Variants in ABL1 observed in about 807,000 individuals in gnomAD.
The protein encoded by ABL1 is ABL proto-oncogene 1, non-receptor tyrosine kinase.
A neutral mutation model predicts 94.7 loss-of-function variants in ABL1; 11 were observed. The ratio of observed to expected loss-of-function variants is 0.12; its 90% CI spans 0.07 to 0.19. ABL1 has a LOEUF of 0.19. Among genes scored for constraint, ABL1 ranks in the 10% least tolerant of loss-of-function variants. The pLI is 1.00. For synonymous variants in ABL1, 656 were observed against 622.4 expected, an observed-to-expected ratio of 1.05 and a Z score of -0.80; for missense variants, 1,082 against 1,489.4, an observed-to-expected ratio of 0.73 and a Z score of 4.50.
At chr9:130,859,689 T>C (rs1376108404) in intron 3 of ABL1, among the ~76,000 whole-genome samples, 9 of 116,680 alleles carry the variant, frequency 7.7e-5, no homozygotes, top group Non-Finnish European at 1.0e-4. Context: ...TTTTTTTTTT[T>C]TTTTTTTTTT....
At position 130,885,794 on chromosome 9, in the gene ABL1, C is replaced by A. The variant is rs1256786566; in HGVS notation, c.*111C>A. 2 of 1,392,304 alleles carry A rather than the reference C, an allele frequency of 1.4e-6. No individual in the cohort carries two copies. Among genetic ancestry groups the A allele is most frequent in the Non-Finnish European group, 1.9e-6 (2 of 1,046,364 alleles). The allele number at this position is 1,392,304 out of a possible 1,614,324, so 86.2% of individuals were successfully genotyped here. A position where few individuals can be genotyped will look rare whatever the true frequency, so the allele number is the denominator to read the frequency against. ...GGGACTAGTGAGTCAGCACCTTGGC[C>A]CAGGAGCTCTGCGCCAGGCAGAGCT... is the stretch of plus-strand genomic sequence containing the variant. On this transcript the variant is annotated 3_prime_UTR_variant, in exon 11 of 11. Transcript: ENST00000318560.
chr9:130,856,198 C>T (rs1205985792), intron 3 of ABL1, among the ~76,000 whole-genome samples: 1 of 152,220 alleles, frequency 6.6e-6, no homozygotes, highest in Non-Finnish European at 1.5e-5. Flanking sequence ...AAGCATTTCT[C>T]CTGCCTCAGC....
At chr9:130,749,254 G>A (rs1366695619) in intron 1 of ABL1, among the ~76,000 whole-genome samples, 1 of 152,166 alleles carries the variant, frequency 6.6e-6, no homozygotes, top group Non-Finnish European at 1.5e-5. Flanking sequence ...ACCAGTATTT[G>A]AGAATTAAAA....
At chr9:130,730,308 C>G (rs903195677) in intron 1 of ABL1, among the ~76,000 whole-genome samples, 5 of 152,100 alleles carry the variant, frequency 3.3e-5, no homozygotes, top group Non-Finnish European at 5.9e-5. Context: ...TCCCAAAGTG[C>G]TGGGATTACA....
At chr9:130,804,060 GAAAA>G (rs113128798) in intron 1 of ABL1, among the ~76,000 whole-genome samples, 1 of 134,904 alleles carries the variant, frequency 7.4e-6, no homozygotes, top group Non-Finnish European at 1.6e-5. Flanking sequence ...GACCTCTTAA[GAAAA>G]AAAAAAAAAT....
intron 1 of ABL1, among the ~76,000 whole-genome samples, chr9:130,719,148 A>G (rs1163168889): frequency 6.6e-6 from 1 of 152,194 alleles, no homozygotes; most frequent in Non-Finnish European, 1.5e-5. Context: ...GGAATCGGAG[A>G]AAACTTTCTC....
intron 1 of ABL1, among the ~76,000 whole-genome samples, chr9:130,735,682 T>A (rs1016961273): frequency 6.6e-6 from 1 of 151,682 alleles, no homozygotes; most frequent in African/African-American, 2.4e-5. Context: ...CTTGGAAGTA[T>A]CATTGGTTTT....
intron 1 of ABL1, among the ~76,000 whole-genome samples, chr9:130,789,533 C>A (rs992321669): frequency 1.3e-5 from 2 of 151,860 alleles, no homozygotes; most frequent in Non-Finnish European, 2.9e-5. Context: ...CATACACACA[C>A]ACACACACAC....
intron 1 of ABL1, among the ~76,000 whole-genome samples, chr9:130,792,479 A>T (rs1017525765): frequency 1.3e-5 from 2 of 151,774 alleles, no homozygotes; most frequent in African/African-American, 4.8e-5. Flanking sequence ...TAGTGGTCCT[A>T]TGAGTCCTTC....
intron 4 of ABL1, among the ~76,000 whole-genome samples, chr9:130,867,937 GTT>G (rs34124714): frequency 1.4e-5 from 2 of 141,290 alleles, no homozygotes; most frequent in Non-Finnish European, 1.6e-5. Flanking sequence ...CCCTCCAGTG[GTT>G]TTTTTTTTTT....
intron 1 of ABL1, among the ~76,000 whole-genome samples, chr9:130,764,317 G>A (rs755614352): frequency 1.3e-5 from 2 of 152,186 alleles, no homozygotes; most frequent in African/African-American, 4.8e-5. Context: ...TGTGTAGGAG[G>A]CATCTGTCCA....
intron 1 of ABL1, among the ~76,000 whole-genome samples, chr9:130,766,994 C>T (rs752867582): frequency 4.6e-5 from 7 of 152,220 alleles, no homozygotes; most frequent in Non-Finnish European, 1.0e-4. Flanking sequence ...TCGAATTTCC[C>T]TCCTGTCACT....
At chr9:130,808,959 C>T (rs1375451535) in intron 1 of ABL1, among the ~76,000 whole-genome samples, 1 of 152,160 alleles carries the variant, frequency 6.6e-6, no homozygotes, top group Non-Finnish European at 1.5e-5. Context: ...AAATAGAGCC[C>T]TATGATTGCT....
At chr9:130,845,528 G>T (rs1428617397) in intron 1 of ABL1, among the ~76,000 whole-genome samples, 1 of 151,914 alleles carries the variant, frequency 6.6e-6, no homozygotes, top group East Asian at 1.9e-4. Context: ...TTTTAGTAGA[G>T]ACGTGGTTTA....
intron 1 of ABL1, among the ~76,000 whole-genome samples, chr9:130,809,607 T>G (rs1014087012): frequency 2.0e-5 from 3 of 152,174 alleles, no homozygotes; most frequent in Non-Finnish European, 2.9e-5. Flanking sequence ...GAGCCAATGT[T>G]TCAGTTCAAG....
intron 1 of ABL1, among the ~76,000 whole-genome samples, chr9:130,760,314 A>G (rs1401636693): frequency 6.6e-6 from 1 of 152,126 alleles, no homozygotes; most frequent in Non-Finnish European, 1.5e-5. Context: ...AAGAGCTGGG[A>G]CACTGTTGGC....
At chr9:130,830,317 A>G (rs1031323111), upstream of ABL1, among the ~76,000 whole-genome samples, 1 of 152,192 alleles carries the variant, frequency 6.6e-6, no homozygotes, top group Non-Finnish European at 1.5e-5. Flanking sequence ...TACCAACAGA[A>G]AAATCAGTGT....
chr9:130,759,963 A>ATTTT (rs34154339), intron 1 of ABL1, among the ~76,000 whole-genome samples: 1 of 93,028 alleles, frequency 1.1e-5, no homozygotes, highest in Non-Finnish European at 2.0e-5. Context: ...AGGTAATTTA[A>ATTTT]TTTTTTTTTT....
At chr9:130,791,132 A>G (rs1588240210) in intron 1 of ABL1, among the ~76,000 whole-genome samples, 1 of 152,266 alleles carries the variant, frequency 6.6e-6, no homozygotes, top group East Asian at 1.9e-4. Context: ...GAACATCAAA[A>G]CCAGAAACGA....
Sources: gnomAD v4.1 joint callset for allele counts (sites outside exome capture counted in the v4.1 genomes callset) on GRCh38, gnomAD v4.1.1 for gene constraint, MANE v1.5 for transcripts, NCBI Gene and HGNC (gene_info 2026-07-23, HGNC 2026-07-21) for gene names.